TBC1D22A: variants seen among roughly 807,000 people sequenced by gnomAD.
TBC1D22A encodes TBC1 domain family member 22A.
In TBC1D22A, 38 loss-of-function variants were observed where a neutral mutation model predicts 60.2. The observed-to-expected ratio is 0.63, with a 90% confidence interval of 0.49 to 0.83. TBC1D22A has a LOEUF of 0.83. Among genes scored for constraint, TBC1D22A ranks in the 40% least tolerant of loss-of-function variants. The pLI is 0.00. For missense variants in TBC1D22A, 628 were observed against 701.0 expected, an observed-to-expected ratio of 0.90 and a Z score of 1.18; for synonymous variants, 302 against 281.7, an observed-to-expected ratio of 1.07 and a Z score of -0.72.
At chr22:47,041,558 A>G (rs1181439031) in intron 11 of TBC1D22A, among the ~76,000 whole-genome samples, 2 of 152,194 alleles carry the variant, frequency 1.3e-5, no homozygotes, top group Non-Finnish European at 2.9e-5. Flanking sequence ...CCTTTAAGGA[A>G]AAGGTTTATT....
At chr22:46,832,337 G>T (rs1228798559) in intron 4 of TBC1D22A, among the ~76,000 whole-genome samples, 2 of 152,246 alleles carry the variant, frequency 1.3e-5, no homozygotes, top group African/African-American at 4.8e-5. Context: ...TTATGGAAAA[G>T]AGTACGTTTT....
chr22:46,824,605 G>C (rs539592007), intron 4 of TBC1D22A, among the ~76,000 whole-genome samples: 2 of 152,188 alleles, frequency 1.3e-5, no homozygotes, highest in South Asian at 4.1e-4. Context: ...GGCGCGATTC[G>C]ACTTAGGCTT....
chr22:47,046,718 C>T (rs1022889701), intron 11 of TBC1D22A, among the ~76,000 whole-genome samples: 3 of 152,210 alleles, frequency 2.0e-5, no homozygotes, highest in Non-Finnish European at 2.9e-5. Context: ...CTGAAGCCTC[C>T]TCCCCGCACT....
intron 4 of TBC1D22A, among the ~76,000 whole-genome samples, chr22:46,868,297 G>A (rs1006725773): frequency 7.2e-5 from 11 of 152,190 alleles, no homozygotes; most frequent in Admixed American, 3.9e-4. Flanking sequence ...TTGGCTTTTG[G>A]GTGGTTCAGT....
chr22:46,973,485 T>C (rs1182740295), intron 8 of TBC1D22A, among the ~76,000 whole-genome samples: 1 of 152,230 alleles, frequency 6.6e-6, no homozygotes, highest in Non-Finnish European at 1.5e-5. Flanking sequence ...TCAACCTTTC[T>C]ACATATATTC....
At chr22:47,150,335 C>T (rs2067454975) in intron 12 of TBC1D22A, among the ~76,000 whole-genome samples, 1 of 152,130 alleles carries the variant, frequency 6.6e-6, no homozygotes, top group African/African-American at 2.4e-5. Flanking sequence ...GTGGCGAGGG[C>T]TCCAGGCAGC....
Position 46,793,837 on chromosome 22 carries a change from T to C in TBC1D22A, c.456T>C (p.Pro152=). ...KSVSESHTSC[P]AESASDAAPL... ...TCAGTGAGAGCCACACGTCCTGTCCTGCAGGTACGATGGGAGGACTGAAGA... is the reference window on the plus strand; with the variant it reads ...TCAGTGAGAGCCACACGTCCTGTCCCGCAGGTACGATGGGAGGACTGAAGA... Residue 152 remains proline (P), a synonymous_variant, in exon 3 of 13, where the codon CCT becomes CCC. Coordinates refer to ENST00000337137, the MANE Select transcript of TBC1D22A (RefSeq NM_014346.5). 6.4e-7 allele frequency: 1 copy of C among 1,567,684 alleles called. No individual in the cohort carries two copies.
chr22:47,013,794 A>G (rs1433174502), intron 10 of TBC1D22A, among the ~76,000 whole-genome samples: 2 of 152,192 alleles, frequency 1.3e-5, no homozygotes, highest in Non-Finnish European at 2.9e-5. Flanking sequence ...TCGTCTCTCT[A>G]GACCCTGGAC....
intron 10 of TBC1D22A, among the ~76,000 whole-genome samples, chr22:47,001,272 A>T (rs1399957125): frequency 6.6e-6 from 1 of 150,626 alleles, no homozygotes; most frequent in Non-Finnish European, 1.5e-5. Flanking sequence ...GGAAGTTACA[A>T]CTGAAATTGT....
At position 46,911,157 on chromosome 22, in the gene TBC1D22A, A is replaced by G. The variant is rs187284768; in HGVS notation, c.901-917A>G. ...AATGAAACCCTCCTTATGAGTGAAG[A>G]TGGGAGCGAGTAGGTGGGAATAAGA... On this transcript the variant is annotated intron_variant, in intron 7 of 12. Transcript: ENST00000337137. Among the ~76,000 whole-genome samples, 175 of 152,154 alleles carry G rather than the reference A, an allele frequency of 1.2e-3. 1 individual carries two copies. Among genetic ancestry groups the G allele is most frequent in the South Asian group, 9.3e-3 (45 of 4,820 alleles).
chr22:47,006,132 A>G (rs753018956), intron 10 of TBC1D22A, among the ~76,000 whole-genome samples: 1 of 152,182 alleles, frequency 6.6e-6, no homozygotes, highest in African/African-American at 2.4e-5. Flanking sequence ...TTATGTTTCC[A>G]TATTCTTGGG....
chr22:46,836,266 A>G (rs531283718), intron 4 of TBC1D22A, among the ~76,000 whole-genome samples: 64 of 152,350 alleles, frequency 4.2e-4, no homozygotes, highest in Non-Finnish European at 6.9e-4. Flanking sequence ...TAGCTACAAC[A>G]TTTAGTTAAT....
intron 4 of TBC1D22A, among the ~76,000 whole-genome samples, chr22:46,846,759 G>T (rs536243121): frequency 4.0e-5 from 6 of 150,894 alleles, no homozygotes; most frequent in Admixed American, 4.0e-4. Flanking sequence ...ATCTTCACCC[G>T]GATTCGGCGG....
At chr22:46,798,899 C>T (rs543738710) in intron 4 of TBC1D22A, among the ~76,000 whole-genome samples, 13 of 152,294 alleles carry the variant, frequency 8.5e-5, no homozygotes, top group African/African-American at 1.9e-4. Context: ...AGAGGGTTTC[C>T]GGGCAGAAGC....
chr22:46,850,707 G>A (rs1389944903), intron 4 of TBC1D22A, among the ~76,000 whole-genome samples: 1 of 152,150 alleles, frequency 6.6e-6, no homozygotes. Context: ...ATATTCCCGA[G>A]AGAAATGAAA....
chr22:46,809,520 A>G (rs2085294400), intron 4 of TBC1D22A, among the ~76,000 whole-genome samples: 1 of 152,112 alleles, frequency 6.6e-6, no homozygotes, highest in South Asian at 2.1e-4. Flanking sequence ...AGGTAAACCC[A>G]TGGATTTGTT....
chr22:47,022,740 C>T (rs933154084), intron 10 of TBC1D22A, among the ~76,000 whole-genome samples: 6 of 152,124 alleles, frequency 3.9e-5, no homozygotes, highest in Admixed American at 6.6e-5. Flanking sequence ...AAAGCAAGAA[C>T]GGAAAACTTT....
At chr22:46,893,864 TG>T (rs2147621360) in intron 6 of TBC1D22A, among the ~76,000 whole-genome samples, 1 of 152,336 alleles carries the variant, frequency 6.6e-6, no homozygotes, top group East Asian at 1.9e-4. Context: ...TCCATTTGGC[TG>T]TTGACTCACA....
chr22:47,038,482 G>T (rs966075250), intron 11 of TBC1D22A, among the ~76,000 whole-genome samples: 23 of 152,328 alleles, frequency 1.5e-4, no homozygotes, highest in African/African-American at 5.3e-4. Context: ...GGGCCTGGGG[G>T]TCATTCTGAC....
Sources: gnomAD v4.1 joint callset for allele counts (sites outside exome capture counted in the v4.1 genomes callset) on GRCh38, gnomAD v4.1.1 for gene constraint, MANE v1.5 for transcripts, NCBI Gene and HGNC (gene_info 2026-07-23, HGNC 2026-07-21) for gene names.